Variants in NBPF14 observed in about 807,000 individuals in gnomAD.
NBPF14 encodes NBPF member 14, also known as NBPF family member NBPF14.
Under a neutral mutation model 91.2 loss-of-function variants are expected in NBPF14, and 104 were observed. The observed-to-expected ratio is 1.14, with a 90% CI of 0.97 to 1.34. NBPF14 has a LOEUF of 1.34. NBPF14 is among the 40% of genes most tolerant of loss of function. The pLI, the probability that NBPF14 is intolerant of heterozygous loss-of-function variation, is 0.00. For missense variants in NBPF14, 908 were observed against 783.0 expected (o/e 1.16, Z -1.91); for synonymous variants, 294 against 303.8 (o/e 0.97, Z 0.34).
chr1:148,557,026 C>A (rs1656679650), intron 40 of NBPF14, among the ~76,000 whole-genome samples, 164 bp from the exon 41 acceptor site: 1 of 97,076 alleles, frequency 1.0e-5, no homozygotes, highest in Non-Finnish European at 1.8e-5. Context: ...AGAACAGGGC[C>A]AAATGGAAAA....
At chr1:148,538,039 AG>A in intron 64 of NBPF14, 33 bp from the exon 65 acceptor site, 1 of 186,820 alleles carries the variant, frequency 5.4e-6, no homozygotes, top group Non-Finnish European at 9.0e-6. Flanking sequence ...AGAATAAGCC[AG>A]GGGAAATCAG....
chr1:148,535,337 T>G, intron 68 of NBPF14, 116 bp downstream of exon 68: 2 of 589,510 alleles, frequency 3.4e-6, no homozygotes, highest in Non-Finnish European at 5.9e-6. Context: ...GCAATGTCAG[T>G]AGGAGTAATT....
rs1197358698 is a variant in NBPF14, at chr1:148,589,779, C to T, written c.779-386G>A. The stretch of plus-strand genomic sequence containing the variant: ...ACGGAGTCTCACTCTGTCACGCAGG[C>T]TGCAGTGCAGAGGCACAATCTCAGC... On this transcript the variant is annotated intron_variant, in intron 6 of 70. Coordinates refer to ENST00000619423, the Ensembl canonical transcript of NBPF14. 2.0e-5 allele frequency among the ~76,000 whole-genome samples: 3 copies of T among 147,210 alleles called. 1 individual carries two copies. Among genetic ancestry groups the T allele is most frequent in the Admixed American group, 6.8e-5 (1 of 14,728 alleles).
At chr1:148,592,630 A>C (rs1379864273) in exon 4 of NBPF14, 3 of 1,584,596 alleles carry the variant, frequency 1.9e-6, no homozygotes, top group Non-Finnish European at 2.6e-6. Context: ...TGCCCCTGGG[A>C]CTTGTCCGGC....
intron 18 of NBPF14, among the ~76,000 whole-genome samples, 195 bp from the exon 19 acceptor site, chr1:148,574,420 T>G (rs1445370055): frequency 2.6e-4 from 9 of 34,796 alleles, no homozygotes; most frequent in African/African-American, 4.4e-4. Context: ...GAAAGACAGA[T>G]AGACACACAC....
Position 148,562,304 on chromosome 1 carries a change from C to G in NBPF14, c.4223-17G>C. ...TTTTAATTCCTGCAATACATTCAGACAGGGACAGACAAAATAAGCCAATTC... is the reference window on the plus strand; with the variant it reads ...TTTTAATTCCTGCAATACATTCAGAGAGGGACAGACAAAATAAGCCAATTC... On this transcript the variant is annotated splice_polypyrimidine_tract_variant and intron_variant, in intron 33 of 70. Coordinates refer to ENST00000619423, the Ensembl canonical transcript of NBPF14. The G allele has an allele frequency of 6.1e-6, 1 of 162,974 alleles. No homozygotes were observed. The highest frequency in any genetic ancestry group is 1.1e-5 in the Non-Finnish European group (1 of 93,958). 10.1% of individuals were successfully genotyped at this position (162,974 alleles called of 1,614,324 possible).
At chr1:148,586,619 A>G (rs1290728422) in intron 8 of NBPF14, 150 bp from the exon 9 acceptor site, 8 of 766,384 alleles carry the variant, frequency 1.0e-5, no homozygotes, top group Non-Finnish European at 1.8e-5. Context: ...TGGCCAAGAG[A>G]AAGAATAGAA....
chr1:148,561,745 A>C (rs1657764285), intron 34 of NBPF14, among the ~76,000 whole-genome samples, 166 bp from the exon 35 acceptor site: 2 of 117,098 alleles, frequency 1.7e-5, no homozygotes, highest in South Asian at 3.0e-4. Context: ...AACAGGGCCA[A>C]ATGGAAAAGA....
chr1:148,566,384 T>A, intron 28 of NBPF14, 69 bp from the exon 29 acceptor site: 1 of 729,588 alleles, frequency 1.4e-6, no homozygotes, highest in South Asian at 1.4e-5. Context: ...CAACTAGGTT[T>A]CATGGGTAGC....
exon 21 of NBPF14, chr1:148,572,556 C>T: frequency 1.5e-6 from 1 of 659,150 alleles, no homozygotes; most frequent in Non-Finnish European, 2.7e-6. Flanking sequence ...CGAATAACAT[C>T]TATCCAGTGA....
rs1390444288 is a variant in NBPF14 at position 148,566,291 on chromosome 1, T to A, written c.3567A>T (p.Val1189=). The A allele has an allele frequency of 5.9e-6, 4 of 682,340 alleles. 1 individual carries two copies. The highest frequency in any genetic ancestry group is 1.5e-5 in the South Asian group (1 of 64,660). 42.3% of individuals were successfully genotyped at this position (682,340 alleles called of 1,614,324 possible). ...AGTCCTGCAAGACTTCAGGCTCTAC[T>A]ACCTCCAGCAGCTCCCTGCTGAGCC... The change falls in exon 29 of 71, where the codon GTA becomes GTT. Residue 1189 remains valine, a synonymous_variant. Coordinates refer to ENST00000619423, the Ensembl canonical transcript of NBPF14.
At position 148,559,858 on chromosome 1, in the gene NBPF14, T is replaced by G; in HGVS notation, c.4664A>C (p.Gln1555Pro). The change falls in exon 37 of 71, where the codon CAG (glutamine) becomes CCG (proline). Residue 1555 changes from glutamine (Q) to proline (P), a missense_variant. Physicochemically the swap from Gln to Pro is moderately conservative, Grantham distance 76. Coordinates refer to ENST00000619423, the Ensembl canonical transcript of NBPF14. ...TATGTAAAAGGCACTTCTATAGGGC[T>G]GGCATGAGTCAGTCAGTTCAAGACA... 4 of 1,509,212 alleles carry G rather than the reference T, an allele frequency of 2.7e-6. 1 individual carries two copies. The highest frequency in any genetic ancestry group is 5.0e-5 in the East Asian group (2 of 40,296). 93.5% of individuals were successfully genotyped at this position (1,509,212 alleles called of 1,614,324 possible).
chr1:148,593,963 G>A (rs1161244026), intron 2 of NBPF14, among the ~76,000 whole-genome samples: 1 of 149,838 alleles, frequency 6.7e-6, no homozygotes, highest in African/African-American at 2.4e-5. Context: ...AGTGGAGTCA[G>A]AACTCACAGC....
intron 3 of NBPF14, 52 bp from the exon 4 acceptor site, chr1:148,592,818 G>T: frequency 1.1e-5 from 13 of 1,223,202 alleles, no homozygotes; most frequent in Non-Finnish European, 1.5e-5. Flanking sequence ...TGAGTGATCC[G>T]TTCAAATATT....
At chr1:148,595,332 T>C (rs1663143093) in intron 2 of NBPF14, among the ~76,000 whole-genome samples, 2 of 148,276 alleles carry the variant, frequency 1.3e-5, no homozygotes, top group Admixed American at 6.7e-5. Context: ...TAACTCTAGT[T>C]CCACCCCCAT....
intron 68 of NBPF14, 122 bp downstream of exon 68, chr1:148,535,331 T>G (rs1654923276): frequency 1.7e-6 from 1 of 595,734 alleles, no homozygotes. Flanking sequence ...CCAACAGCAA[T>G]GTCAGTAGGA....
At chr1:148,572,321 C>T (rs1659220185) in intron 21 of NBPF14, 122 bp downstream of exon 21, 1 of 247,140 alleles carries the variant, frequency 4.0e-6, no homozygotes, top group East Asian at 7.9e-5. Flanking sequence ...CCTATATGCG[C>T]CCATAGGTCC....
chr1:148,557,748 G>T (rs1158302251), intron 39 of NBPF14, among the ~76,000 whole-genome samples: 1 of 126,224 alleles, frequency 7.9e-6, no homozygotes, highest in African/African-American at 3.7e-5. Flanking sequence ...TCCCCATTCT[G>T]GTAGATCGTT....
rs1466464010 is a variant in NBPF14, at chr1:148,587,439, G to T, written c.989-36C>A. The stretch of plus-strand genomic sequence containing the variant: ...ACAGACACACCTACCTCAGTGGAAG[G>T]CTGGACATGCTGCTGTGGTCATTGC... On this transcript the variant is annotated intron_variant, in intron 7 of 70. Transcript: ENST00000619423. 5 of 1,545,466 alleles carry T rather than the reference G, an allele frequency of 3.2e-6. No individual in the cohort carries two copies. In the African/African-American group the frequency reaches 7.2e-5, roughly 22 times the overall value.
Sources: gnomAD v4.1 joint callset for allele counts (sites outside exome capture counted in the v4.1 genomes callset) on GRCh38, gnomAD v4.1.1 for gene constraint, MANE v1.5 for transcripts, NCBI Gene and HGNC (gene_info 2026-07-23, HGNC 2026-07-21) for gene names.